Variants in TMPRSS12 observed in about 807,000 individuals in gnomAD.
TMPRSS12 encodes the protein transmembrane protease serine 12.
Under a neutral mutation model 26.0 loss-of-function variants are expected in TMPRSS12, and 25 were observed. The ratio of observed to expected loss-of-function variants is 0.96; its 90% CI spans 0.70 to 1.34. The LOEUF (loss-of-function observed/expected upper bound fraction) is 1.34, where lower values mean the gene tolerates loss of function less well. Ranked by LOEUF, TMPRSS12 falls within the 40% of genes most tolerant of loss-of-function variation. The probability of loss-of-function intolerance (pLI) is 0.00; values close to 1 mark genes in which losing one functional copy is unlikely to be tolerated. For missense variants in TMPRSS12, 441 were observed against 440.1 expected (o/e 1.00, Z -0.02); for synonymous variants, 150 against 161.7 (o/e 0.93, Z 0.55).
intron 2 of TMPRSS12, among the ~76,000 whole-genome samples, chr12:50,844,621 C>T (rs1937750883): frequency 6.6e-6 from 1 of 152,076 alleles, no homozygotes; most frequent in South Asian, 2.1e-4. Flanking sequence ...GTGATCTGCC[C>T]GCCTCAGCCT....
intron 3 of TMPRSS12, among the ~76,000 whole-genome samples, chr12:50,870,816 T>C (rs1382097387): frequency 6.8e-6 from 1 of 147,036 alleles, no homozygotes. Flanking sequence ...CAGCAGAGAA[T>C]CAAATCAAGA....
intron 2 of TMPRSS12, among the ~76,000 whole-genome samples, chr12:50,848,789 G>A (rs1418631659): frequency 8.5e-5 from 13 of 152,324 alleles, no homozygotes; most frequent in Admixed American, 8.5e-4. Context: ...TTAAATGAGA[G>A]CACCTTGACA....
chr12:50,872,942 A>G (rs1385147044), intron 3 of TMPRSS12, among the ~76,000 whole-genome samples: 1 of 148,140 alleles, frequency 6.8e-6, no homozygotes, highest in Non-Finnish European at 1.5e-5. Flanking sequence ...ATATATGTAC[A>G]TATATATGAC....
At chr12:50,843,333 T>G (rs1937732895) in intron 1 of TMPRSS12, among the ~76,000 whole-genome samples, 182 bp downstream of exon 1, 1 of 152,234 alleles carries the variant, frequency 6.6e-6, no homozygotes, top group African/African-American at 2.4e-5. Flanking sequence ...ATGACACATT[T>G]GTATTGTGAA....
intron 3 of TMPRSS12, among the ~76,000 whole-genome samples, chr12:50,881,974 AAAAAAAAAAAAAAAAAAAAAAAAAATAT>A (rs1358501345): frequency 1.9e-4 from 12 of 63,310 alleles, no homozygotes; most frequent in East Asian, 1.3e-3. Context: ...AAAAAAAAAA[AAAAAAAAAAAAAAAAAAAAAAAAAATAT>A]ATATATATAT....
intron 2 of TMPRSS12, among the ~76,000 whole-genome samples, chr12:50,847,057 C>CTTTTTTT (rs547352999): frequency 9.1e-6 from 1 of 109,918 alleles, no homozygotes; most frequent in African/African-American, 3.9e-5. Context: ...AGTCTAAAAA[C>CTTTTTTT]TTTTTTTTTT....
intron 3 of TMPRSS12, among the ~76,000 whole-genome samples, chr12:50,879,551 G>T (rs1938145224): frequency 6.6e-6 from 1 of 151,960 alleles, no homozygotes; most frequent in Non-Finnish European, 1.5e-5. Flanking sequence ...AATTTTATTG[G>T]CCTCCCTGAA....
At chr12:50,848,290 C>G (rs1937793137) in intron 2 of TMPRSS12, 2 of 152,094 alleles carry the variant, frequency 1.3e-5, no homozygotes, top group Admixed American at 6.5e-5. Context: ...TTCAAGCTCC[C>G]TCATCGACTT....
intron 3 of TMPRSS12, among the ~76,000 whole-genome samples, chr12:50,865,680 A>G (rs1043173863): frequency 4.7e-5 from 7 of 148,830 alleles, no homozygotes; most frequent in African/African-American, 1.5e-4. Context: ...CATACATTAT[A>G]CTGAAGTTGA....
At chr12:50,853,816 C>T (rs763505959) in intron 2 of TMPRSS12, among the ~76,000 whole-genome samples, 2 of 151,824 alleles carry the variant, frequency 1.3e-5, no homozygotes, top group Non-Finnish European at 2.9e-5. Flanking sequence ...TAACAAGTTC[C>T]AACACTAAAT....
chr12:50,872,864 C>CA lies in TMPRSS12; in HGVS notation c.653-12382_653-12381insA, dbSNP rs74805269. ...CGTCTATATATGTACATATATATGA[C>CA]TATATATGTACATATATATGACGTA... is the stretch of plus-strand genomic sequence containing the variant. On this transcript the variant is annotated intron_variant, in intron 3 of 4. Coordinates refer to ENST00000398458, the MANE Select transcript of TMPRSS12 (RefSeq NM_182559.3). Among the ~76,000 whole-genome samples the CA allele has an allele frequency of 2.4e-4, 3 of 12,252 alleles. 1 individual carries two copies. The highest frequency in any genetic ancestry group is 6.5e-4 in the African/African-American group (3 of 4,596). The allele number at this position is 12,252 out of a possible 152,430, so 8.0% of individuals were successfully genotyped here.
At chr12:50,881,998 A>C (rs867406237) in intron 3 of TMPRSS12, among the ~76,000 whole-genome samples, 1 of 30,572 alleles carries the variant, frequency 3.3e-5, no homozygotes, top group Non-Finnish European at 6.3e-5. Flanking sequence ...AAAAAAAAAA[A>C]ATATATATAT....
intron 3 of TMPRSS12, among the ~76,000 whole-genome samples, chr12:50,878,200 G>GA (rs36087199): frequency 0.3 from 41,832 of 139,484 alleles, 6,590 homozygotes; most frequent in Non-Finnish European, 0.4. Context: ...TTATTTTGGG[G>GA]AAAAAAAAAA....
intron 2 of TMPRSS12, among the ~76,000 whole-genome samples, chr12:50,853,581 C>CAA (rs34657217): frequency 0.083 from 8,480 of 102,366 alleles, 374 homozygotes; most frequent in Middle Eastern, 0.11. Flanking sequence ...GCTAGACTAA[C>CAA]AAAAAAAAAA....
In TMPRSS12 at chr12:50,849,909, C is replaced by G. The variant is rs187029130; in HGVS notation, c.383+5872C>G. On this transcript the variant is annotated intron_variant, in intron 2 of 4. Coordinates refer to ENST00000398458, the MANE Select transcript of TMPRSS12 (RefSeq NM_182559.3). ...CCCCCATACCCCTTTCAGGTAAACCCCCTCCCTCCTTCATTGCCAGGCAAC... is the reference window on the plus strand; with the variant it reads ...CCCCCATACCCCTTTCAGGTAAACCGCCTCCCTCCTTCATTGCCAGGCAAC... Among the ~76,000 whole-genome samples the G allele has an allele frequency of 3.4e-3, 512 of 150,006 alleles. 2 individuals are homozygous for G. The highest frequency in any genetic ancestry group is 0.012 in the African/African-American group (473 of 40,732).
At chr12:50,873,739 A>G (rs1938088858) in intron 3 of TMPRSS12, among the ~76,000 whole-genome samples, 1 of 152,208 alleles carries the variant, frequency 6.6e-6, no homozygotes, top group Non-Finnish European at 1.5e-5. Flanking sequence ...CATCTGCTCA[A>G]CATCCTTCAA....
At chr12:50,877,845 A>G (rs781035935) in intron 3 of TMPRSS12, among the ~76,000 whole-genome samples, 13 of 152,152 alleles carry the variant, frequency 8.5e-5, no homozygotes, top group Non-Finnish European at 1.9e-4. Flanking sequence ...CCTGGCCTCA[A>G]GTGATCCGCC....
At chr12:50,873,713 A>G (rs1424175476) in intron 3 of TMPRSS12, among the ~76,000 whole-genome samples, 1 of 152,194 alleles carries the variant, frequency 6.6e-6, no homozygotes, top group Admixed American at 6.5e-5. Flanking sequence ...GGGCAAGCGG[A>G]TAAGTTTGCT....
At chr12:50,861,871 G>T (rs911813834) in intron 3 of TMPRSS12, among the ~76,000 whole-genome samples, 5 of 151,094 alleles carry the variant, frequency 3.3e-5, no homozygotes, top group South Asian at 2.1e-4. Context: ...GTGCAGTGGC[G>T]CAATCTCGGC....
Sources: gnomAD v4.1 joint callset for allele counts (sites outside exome capture counted in the v4.1 genomes callset) on GRCh38, gnomAD v4.1.1 for gene constraint, MANE v1.5 for transcripts, NCBI Gene and HGNC (gene_info 2026-07-23, HGNC 2026-07-21) for gene names.